Variants in KLF12 observed in about 807,000 individuals in gnomAD.
KLF12 encodes Krueppel-like factor 12.
KLF12 carries 9 observed loss-of-function variants against 37.8 expected under a neutral mutation model. The ratio of observed to expected loss-of-function variants is 0.24; its 90% CI spans 0.14 to 0.42. The LOEUF is 0.42. KLF12 is among the 10% of genes least tolerant of loss of function. KLF12 has a pLI of 1.00. For synonymous variants in KLF12, 208 were observed against 202.1 expected (o/e 1.03, Z -0.25); for missense variants, 411 against 516.0 (o/e 0.80, Z 1.97).
At chr13:73,704,864 CT>C (rs1320552977) in intron 7 of KLF12, among the ~76,000 whole-genome samples, 2 of 152,108 alleles carry the variant, frequency 1.3e-5, no homozygotes, top group Non-Finnish European at 2.9e-5. Flanking sequence ...CTAATAAAGA[CT>C]TGTTGATCAA....
rs1401830945 is a variant in KLF12 at position 73,873,556 on chromosome 13, A to T, written c.124-27183T>A. ...TTTATAATCAAAGCACTCAGAAATG[A>T]GTTATTAAAACCCAATTTTATTATT... is the stretch of plus-strand genomic sequence containing the variant. On this transcript the variant is annotated intron_variant, in intron 3 of 7. Coordinates refer to ENST00000377669, the MANE Select transcript of KLF12 (RefSeq NM_007249.5). Among the ~76,000 whole-genome samples, 3 of 152,170 alleles carry T rather than the reference A, an allele frequency of 2.0e-5. No homozygotes were observed. The South Asian group carries it at 6.2e-4, about 32-fold the overall frequency.
chr13:74,231,034 CTT>C, the KLF12 span, among the ~76,000 whole-genome samples: 38,167 of 144,340 alleles, frequency 0.26, 7,202 homozygotes, highest in African/African-American at 0.54. Flanking sequence ...AAGCTGCTAC[CTT>C]TTTTTTTTTT....
rs1476238532 is a variant in KLF12 at position 73,894,729 on chromosome 13, G to A, written c.124-48356C>T. Among the ~76,000 whole-genome samples the A allele has an allele frequency of 3.3e-5, 5 of 152,182 alleles. No individual in the cohort carries two copies. The East Asian group carries it at 9.6e-4, about 29-fold the overall frequency. ...AAAACAATAATAATGATTGTGCTAG[G>A]AGGTTGTTGGCTTATCTTCTGATTT... On this transcript the variant is annotated intron_variant, in intron 3 of 7. Transcript: ENST00000377669.
the KLF12 span, among the ~76,000 whole-genome samples, chr13:74,189,417 C>G: frequency 6.6e-6 from 1 of 152,212 alleles, no homozygotes; most frequent in African/African-American, 2.4e-5. Flanking sequence ...AGGGATGCTT[C>G]CCTTTCCGTA....
intron 1 of KLF12, among the ~76,000 whole-genome samples, chr13:74,102,649 G>T (rs940196695): frequency 4.6e-5 from 7 of 151,778 alleles, no homozygotes. Flanking sequence ...AGTGAGCTGA[G>T]ATCGCACCAC....
chr13:73,970,210 C>T (rs1039676311), intron 2 of KLF12, among the ~76,000 whole-genome samples: 3 of 152,148 alleles, frequency 2.0e-5, no homozygotes, highest in South Asian at 2.1e-4. Context: ...ATAGCACCAA[C>T]ACTTCCTCCT....
intron 4 of KLF12, among the ~76,000 whole-genome samples, chr13:73,837,289 T>C (rs1884486286): frequency 6.6e-6 from 1 of 152,200 alleles, no homozygotes; most frequent in Non-Finnish European, 1.5e-5. Context: ...TTCTGTCTCC[T>C]CCCTGCGCCA....
intron 6 of KLF12, among the ~76,000 whole-genome samples, chr13:73,761,414 C>T (rs920648738): frequency 1.3e-5 from 2 of 152,150 alleles, no homozygotes; most frequent in African/African-American, 4.8e-5. Context: ...CAAGGCAATT[C>T]TTAATCACTG....
At chr13:73,711,745 C>T (rs1266558769) in intron 7 of KLF12, among the ~76,000 whole-genome samples, 12 of 152,138 alleles carry the variant, frequency 7.9e-5, no homozygotes, top group African/African-American at 2.7e-4. Flanking sequence ...CTTCAGCCCA[C>T]GGATCAAGGA....
chr13:74,018,476 G>A (rs1364382323), intron 1 of KLF12, among the ~76,000 whole-genome samples: 4 of 152,082 alleles, frequency 2.6e-5, no homozygotes, highest in Admixed American at 6.5e-5. Context: ...AACTATGTGA[G>A]GTAATGCATT....
At chr13:73,793,256 C>A (rs1328667513) in intron 5 of KLF12, among the ~76,000 whole-genome samples, 3 of 152,224 alleles carry the variant, frequency 2.0e-5, no homozygotes, top group East Asian at 3.9e-4. Flanking sequence ...GATGTGTGTG[C>A]GGTCTGCCCC....
chr13:74,282,763 C>A, the KLF12 span, among the ~76,000 whole-genome samples: 1 of 152,144 alleles, frequency 6.6e-6, no homozygotes, highest in Non-Finnish European at 1.5e-5. Context: ...AGGGATGGGT[C>A]TCAGAGGTTG....
chr13:74,021,258 T>C (rs1208976116), intron 1 of KLF12, among the ~76,000 whole-genome samples: 1 of 152,196 alleles, frequency 6.6e-6, no homozygotes, highest in African/African-American at 2.4e-5. Context: ...GATCAGGCAT[T>C]TGACTCAATA....
the KLF12 span, among the ~76,000 whole-genome samples, chr13:74,267,840 C>T: frequency 4.6e-5 from 7 of 152,168 alleles, no homozygotes; most frequent in African/African-American, 1.4e-4. Flanking sequence ...ATCACATGTA[C>T]GTCCAAATGT....
At chr13:73,886,465 G>A (rs1265226413) in intron 3 of KLF12, among the ~76,000 whole-genome samples, 1 of 152,038 alleles carries the variant, frequency 6.6e-6, no homozygotes, top group Non-Finnish European at 1.5e-5. Context: ...ATCAGAAGAT[G>A]GAAAAATAGG....
At chr13:74,132,881 T>C (rs952650530) in intron 1 of KLF12, among the ~76,000 whole-genome samples, 1 of 152,214 alleles carries the variant, frequency 6.6e-6, no homozygotes, top group African/African-American at 2.4e-5. Context: ...AAAGCAGGAC[T>C]GATTCTCCCC....
At chr13:74,015,992 A>T (rs1450522354) in intron 1 of KLF12, among the ~76,000 whole-genome samples, 1 of 152,212 alleles carries the variant, frequency 6.6e-6, no homozygotes, top group Non-Finnish European at 1.5e-5. Context: ...ATGTTTACTA[A>T]ACATTGGTTT....
chr13:73,840,502 C>G (rs930957488), intron 4 of KLF12, among the ~76,000 whole-genome samples: 2 of 152,118 alleles, frequency 1.3e-5, no homozygotes, highest in Non-Finnish European at 2.9e-5. Context: ...GGGAATTCCT[C>G]TCTCAACCCC....
At chr13:73,760,959 A>G (rs1879509787) in intron 6 of KLF12, among the ~76,000 whole-genome samples, 1 of 152,176 alleles carries the variant, frequency 6.6e-6, no homozygotes, top group African/African-American at 2.4e-5. Flanking sequence ...ATTGGTTCAC[A>G]GATATTTCCC....
Sources: gnomAD v4.1 joint callset for allele counts (sites outside exome capture counted in the v4.1 genomes callset) on GRCh38, gnomAD v4.1.1 for gene constraint, MANE v1.5 for transcripts, NCBI Gene and HGNC (gene_info 2026-07-23, HGNC 2026-07-21) for gene names.